DNAJC3: variants seen among roughly 807,000 people sequenced by gnomAD.
DNAJC3 encodes the protein DnaJ heat shock protein family (Hsp40) member C3, also known as dnaJ homolog subfamily C member 3.
Under a neutral mutation model 68.6 loss-of-function variants are expected in DNAJC3, and 38 were observed. The observed-to-expected ratio is 0.55, with a 90% CI of 0.43 to 0.73. DNAJC3 has a LOEUF of 0.73. Ranked by LOEUF, DNAJC3 falls within the 30% of genes least tolerant of loss-of-function variation. The probability of loss-of-function intolerance (pLI) is 0.00; values close to 1 mark genes in which losing one functional copy is unlikely to be tolerated. For synonymous variants in DNAJC3, 203 were observed against 204.0 expected, an observed-to-expected ratio of 1.00 and a Z score of 0.04; for missense variants, 526 against 591.9, an observed-to-expected ratio of 0.89 and a Z score of 1.16.
chr13:95,739,478 G>A (rs1882051013), intron 4 of DNAJC3, among the ~76,000 whole-genome samples: 1 of 150,826 alleles, frequency 6.6e-6, no homozygotes, highest in Non-Finnish European at 1.5e-5. Context: ...ACGTAGATTT[G>A]GTCTTTTCAC....
At chr13:95,726,038 T>C (rs1593982443) in intron 4 of DNAJC3, among the ~76,000 whole-genome samples, 1 of 151,978 alleles carries the variant, frequency 6.6e-6, no homozygotes, top group Non-Finnish European at 1.5e-5. Context: ...TATTCCATGG[T>C]GTATATGTGC....
chr13:95,725,757 T>C (rs17885442), intron 4 of DNAJC3, among the ~76,000 whole-genome samples: 1,677 of 151,536 alleles, frequency 0.011, 32 homozygotes, highest in African/African-American at 0.039. Flanking sequence ...ATGTGCCATG[T>C]TGGTGTGCTG....
At chr13:95,705,142 G>A (rs1360180445) in intron 1 of DNAJC3, among the ~76,000 whole-genome samples, 4 of 152,074 alleles carry the variant, frequency 2.6e-5, no homozygotes, top group Admixed American at 1.3e-4. Flanking sequence ...ATGAGCCACC[G>A]CACCTGGCCT....
rs758611138 is a variant in DNAJC3 at position 95,790,937 on chromosome 13, C to T, written c.1422C>T (p.Gly474=). 46 of 1,609,712 alleles carry T rather than the reference C, an allele frequency of 2.9e-5. No individual in the cohort carries two copies. The highest frequency in any genetic ancestry group is 6.7e-5 in the South Asian group (6 of 89,886). ...ATGCAGAGAGCCAGCAAGGAGGCGG[C>T]GGCAACCCTTTCCACAGAAGCTGGA... ...PLDAESQQGG[G]GNPFHRSWNS... Residue 474 remains glycine, a synonymous_variant, in exon 12 of 12, where the codon GGC becomes GGT. Coordinates refer to ENST00000602402, the MANE Select transcript of DNAJC3 (RefSeq NM_006260.5).
At chr13:95,736,274 CT>C (rs1408456285) in intron 4 of DNAJC3, among the ~76,000 whole-genome samples, 3 of 152,068 alleles carry the variant, frequency 2.0e-5, no homozygotes, top group African/African-American at 7.3e-5. Context: ...CAGCTTTGTT[CT>C]TTTGGCTTAG....
At chr13:95,730,868 A>G (rs1021396430) in intron 4 of DNAJC3, among the ~76,000 whole-genome samples, 4 of 152,198 alleles carry the variant, frequency 2.6e-5, no homozygotes, top group Non-Finnish European at 4.4e-5. Flanking sequence ...TTTGATACAG[A>G]TATCCTTGAA....
intron 4 of DNAJC3, among the ~76,000 whole-genome samples, chr13:95,734,691 A>C (rs1478339307): frequency 6.6e-6 from 1 of 152,064 alleles, no homozygotes; most frequent in Non-Finnish European, 1.5e-5. Context: ...TCTGTGTGTC[A>C]TGTAAGCTTG....
In DNAJC3 at chr13:95,773,809, T is replaced by C. The variant is rs185281207; in HGVS notation, c.1075+9856T>C. Reference sequence around the variant, plus strand: ...TGGAGTACAGTGGAGCGATCTTAGCTCACTGCAACCTCTACCTCCTGGGTT... The same window carrying C: ...TGGAGTACAGTGGAGCGATCTTAGCCCACTGCAACCTCTACCTCCTGGGTT... On this transcript the variant is annotated intron_variant, in intron 9 of 11. Coordinates refer to ENST00000602402, the MANE Select transcript of DNAJC3 (RefSeq NM_006260.5). Among the ~76,000 whole-genome samples, 16 of 140,682 alleles carry C rather than the reference T, an allele frequency of 1.1e-4. No homozygotes were observed. The Admixed American group carries it at 1.2e-3, about 10-fold the overall frequency. The allele number at this position is 140,682 out of a possible 152,430, so 92.3% of individuals were successfully genotyped here. A position where few individuals can be genotyped will look rare whatever the true frequency, so the allele number is the denominator to read the frequency against.
chr13:95,697,786 G>GTTTT lies in DNAJC3; in HGVS notation c.83-11423_83-11420dup, dbSNP rs35414850. 5.0e-3 allele frequency among the ~76,000 whole-genome samples: 561 copies of GTTTT among 112,270 alleles called. 3 individuals are homozygous for GTTTT. Among genetic ancestry groups the GTTTT allele is most frequent in the African/African-American group, 0.018 (531 of 28,766 alleles). The allele number at this position is 112,270 out of a possible 152,430, so 73.7% of individuals were successfully genotyped here. On this transcript the variant is annotated intron_variant, in intron 1 of 11. Coordinates refer to ENST00000602402, the MANE Select transcript of DNAJC3 (RefSeq NM_006260.5). The stretch of plus-strand genomic sequence containing the variant: ...AATTTAAAAGACCAGCCTTCAAGAA[G>GTTTT]TTTTTTTTTTTTTTTTTTTTTAAAG...
chr13:95,740,775 C>T (rs994336076), intron 4 of DNAJC3, among the ~76,000 whole-genome samples: 8 of 152,188 alleles, frequency 5.3e-5, no homozygotes, highest in African/African-American at 9.6e-5. Flanking sequence ...CCGTCTTCTG[C>T]GTCGCTCACG....
At chr13:95,746,978 T>C (rs1882323648) in intron 4 of DNAJC3, among the ~76,000 whole-genome samples, 4 of 152,320 alleles carry the variant, frequency 2.6e-5, no homozygotes, top group Middle Eastern at 3.4e-3. Flanking sequence ...TTGGTCTTCA[T>C]TGTTTACTAT....
chr13:95,788,599 A>C (rs910225183), intron 11 of DNAJC3, among the ~76,000 whole-genome samples: 4 of 152,238 alleles, frequency 2.6e-5, no homozygotes, highest in African/African-American at 9.6e-5. Flanking sequence ...TTCACTTGAA[A>C]TAAATCTTGG....
At position 95,684,234 on chromosome 13, in the gene DNAJC3, C is replaced by T. The variant is rs914126623; in HGVS notation, c.82+6897C>T. On this transcript the variant is annotated intron_variant, in intron 1 of 11. Coordinates refer to ENST00000602402, the MANE Select transcript of DNAJC3 (RefSeq NM_006260.5). ...CAGGCTGAGGAGGGCTCAGAATGAC[C>T]GCAGATGAGGAACTTATTGGGAACT... Among the ~76,000 whole-genome samples the T allele has an allele frequency of 7.9e-5, 12 of 152,020 alleles. 1 individual carries two copies. The highest frequency in any genetic ancestry group is 5.8e-4 in the East Asian group (3 of 5,180).
At chr13:95,738,400 T>G (rs1882005709) in intron 4 of DNAJC3, among the ~76,000 whole-genome samples, 1 of 149,622 alleles carries the variant, frequency 6.7e-6, no homozygotes, top group Admixed American at 6.7e-5. Context: ...GTCTCGTTGA[T>G]CTGTCTAATG....
intron 4 of DNAJC3, among the ~76,000 whole-genome samples, chr13:95,750,195 C>T (rs189239350): frequency 6.6e-6 from 1 of 151,498 alleles, no homozygotes; most frequent in African/African-American, 2.4e-5. Context: ...CCATTGCTAC[C>T]CCTCTCCCAT....
At position 95,725,114 on chromosome 13, in the gene DNAJC3, G is replaced by A. The variant is rs547767456; in HGVS notation, c.319-64G>A. 9 of 1,089,250 alleles carry A rather than the reference G, an allele frequency of 8.3e-6. No individual in the cohort carries two copies. The Admixed American group carries it at 1.1e-4, about 14-fold the overall frequency. The allele number at this position is 1,089,250 out of a possible 1,614,324, so 67.5% of individuals were successfully genotyped here. A position where few individuals can be genotyped will look rare whatever the true frequency, so the allele number is the denominator to read the frequency against. On this transcript the variant is annotated intron_variant, in intron 3 of 11. Coordinates refer to ENST00000602402, the MANE Select transcript of DNAJC3 (RefSeq NM_006260.5). ...ATTTGTTTATTTAGTTTTATTCTTC[G>A]TGTTTAAAAAAGATTTAGAAATCTA...
intron 4 of DNAJC3, among the ~76,000 whole-genome samples, chr13:95,726,215 G>A (rs1306243561): frequency 6.6e-6 from 1 of 152,088 alleles, no homozygotes; most frequent in Non-Finnish European, 1.5e-5. Flanking sequence ...GGGTCAAATG[G>A]TATTTCTAGT....
chr13:95,785,452 C>CTTTTTTTTTTTTTTTT (rs36052714), intron 9 of DNAJC3, among the ~76,000 whole-genome samples: 1 of 77,926 alleles, frequency 1.3e-5, no homozygotes. Context: ...CCTTTTAAAC[C>CTTTTTTTTTTTTTTTT]TTTTTTTTTT....
intron 1 of DNAJC3, among the ~76,000 whole-genome samples, chr13:95,683,753 C>T (rs566801876): frequency 6.6e-6 from 1 of 151,106 alleles, no homozygotes; most frequent in Non-Finnish European, 1.5e-5. Context: ...GGTGAAACCC[C>T]GTCTCTACTA....
Sources: allele counts gnomAD v4.1 joint callset (sites outside exome capture counted in the v4.1 genomes callset), GRCh38; gene constraint gnomAD v4.1.1; transcripts MANE v1.5; gene names NCBI Gene and HGNC (gene_info 2026-07-23, HGNC 2026-07-21).